The following ADAM10 variants were observed in gnomAD, a reference collection of about 807,000 sequenced individuals.
ADAM10 encodes the protein disintegrin and metalloproteinase domain-containing protein 10.
ADAM10 carries 17 observed loss-of-function variants against 90.1 expected under a neutral mutation model. The ratio of observed to expected loss-of-function variants is 0.19; its 90% CI spans 0.13 to 0.28. The LOEUF is 0.28. ADAM10 is among the 10% of genes least tolerant of loss of function. The probability of loss-of-function intolerance (pLI) is 1.00; values close to 1 mark genes in which losing one functional copy is unlikely to be tolerated. For missense variants in ADAM10, 610 were observed against 914.3 expected (o/e 0.67, Z 4.29); for synonymous variants, 310 against 298.6 (o/e 1.04, Z -0.40).
rs572907891 is a variant in ADAM10, at chr15:58,610,844, A to C, written c.1804+155T>G. The C allele has an allele frequency of 3.1e-5, 21 of 687,004 alleles. No individual in the cohort carries two copies. In the East Asian group the frequency reaches 5.4e-4, roughly 18 times the overall value. 42.6% of individuals were successfully genotyped at this position (687,004 alleles called of 1,614,324 possible). A position where few individuals can be genotyped will look rare whatever the true frequency, so the allele number is the denominator to read the frequency against. ...CATTGTAGAGACCATAATAATAGAG[A>C]CACAATGCTACGTTACATTTATAAT... On this transcript the variant is annotated intron_variant, in intron 13 of 15. Coordinates refer to ENST00000260408, the MANE Select transcript of ADAM10 (RefSeq NM_001110.4).
chr15:58,730,364 T>C (rs967926492), intron 1 of ADAM10, among the ~76,000 whole-genome samples: 3 of 152,260 alleles, frequency 2.0e-5, no homozygotes, highest in Non-Finnish European at 2.9e-5. Flanking sequence ...ACAACACTGC[T>C]ATGCTCATTC....
chr15:58,652,574 C>T (rs1385831472), intron 5 of ADAM10, among the ~76,000 whole-genome samples: 8 of 152,234 alleles, frequency 5.3e-5, no homozygotes, highest in African/African-American at 1.7e-4. Context: ...TCTGAGGTCT[C>T]TATTCTGTTC....
chr15:58,621,868 T>C (rs1383656373), intron 10 of ADAM10, among the ~76,000 whole-genome samples: 4 of 152,214 alleles, frequency 2.6e-5, no homozygotes, highest in African/African-American at 9.6e-5. Flanking sequence ...AGAGGGTCCC[T>C]TCTAGAAGCT....
rs1473454670 is a variant in ADAM10, at chr15:58,593,097, TTA to T, written c.*4448_*4449del. 2.0e-5 allele frequency: 3 copies of T among 148,628 alleles called. No homozygotes were observed. Among genetic ancestry groups the T allele is most frequent in the African/African-American group, 4.9e-5 (2 of 40,614 alleles). 9.2% of individuals were successfully genotyped at this position (148,628 alleles called of 1,614,324 possible). On this transcript the variant is annotated 3_prime_UTR_variant, in exon 16 of 16. Transcript: ENST00000260408. ...AAGGTGGGTTACAAAAGTGTGCATA[TTA>T]TGTTTTTGTCACACACATAGAAAAA... is the stretch of plus-strand genomic sequence containing the variant.
At chr15:58,647,183 T>C (rs977656595) in intron 5 of ADAM10, among the ~76,000 whole-genome samples, 3 of 151,614 alleles carry the variant, frequency 2.0e-5, no homozygotes, top group Admixed American at 1.3e-4. Flanking sequence ...AAATTATCTC[T>C]GTTTGATCCT....
At chr15:58,616,155 A>C (rs1388082653) in intron 11 of ADAM10, among the ~76,000 whole-genome samples, 2 of 152,260 alleles carry the variant, frequency 1.3e-5, no homozygotes, top group Non-Finnish European at 2.9e-5. Flanking sequence ...AGATCTAAAG[A>C]GAGAGATCAA....
At chr15:58,692,445 A>G (rs1252711938) in intron 2 of ADAM10, 2 of 541,110 alleles carry the variant, frequency 3.7e-6, no homozygotes, top group African/African-American at 3.9e-5. Context: ...CCTCATCGGA[A>G]CCCACATCTT....
At position 58,637,370 on chromosome 15, in the gene ADAM10, T is replaced by A. The variant is rs111724754; in HGVS notation, c.1012+3407A>T. ...TCATTCAGTTAACTGATAAGACCTA[T>A]AGGTAGAAACATGAAGACTCAAAAG... On this transcript the variant is annotated intron_variant, in intron 8 of 15. Coordinates refer to ENST00000260408, the MANE Select transcript of ADAM10 (RefSeq NM_001110.4). Among the ~76,000 whole-genome samples the A allele has an allele frequency of 3.4e-3, 524 of 152,160 alleles. 5 individuals are homozygous for A. The highest frequency in any genetic ancestry group is 0.012 in the African/African-American group (503 of 41,522).
chr15:58,629,449 T>A (rs1480695021), intron 9 of ADAM10: 5 of 152,178 alleles, frequency 3.3e-5, no homozygotes. Flanking sequence ...CTATTTGCCA[T>A]CCTCAGATAA....
At chr15:58,676,089 G>C (rs781464451) in intron 4 of ADAM10, 119 of 287,972 alleles carry the variant, frequency 4.1e-4, no homozygotes, top group Non-Finnish European at 7.6e-4. Flanking sequence ...ATTAAGGAGA[G>C]AGTTTGGCTT....
chr15:58,742,484 G>C (rs1458133847), intron 1 of ADAM10, among the ~76,000 whole-genome samples: 2 of 152,158 alleles, frequency 1.3e-5, no homozygotes, highest in African/African-American at 4.8e-5. Flanking sequence ...CTTATGATGA[G>C]TCAAGGAGCA....
At chr15:58,712,156 A>ATGT (rs1282285189) in intron 2 of ADAM10, among the ~76,000 whole-genome samples, 1 of 152,216 alleles carries the variant, frequency 6.6e-6, no homozygotes, top group African/African-American at 2.4e-5. Flanking sequence ...GAGATATTCC[A>ATGT]ACATGTTATA....
At chr15:58,654,464 C>G (rs2140710216) in intron 5 of ADAM10, among the ~76,000 whole-genome samples, 1 of 152,270 alleles carries the variant, frequency 6.6e-6, no homozygotes, top group Non-Finnish European at 1.5e-5. Flanking sequence ...CCACAACCTC[C>G]TCCTCCTGGG....
rs1566996246 is a variant in ADAM10, at chr15:58,689,955, A to ACCCCC, written c.207-7642_207-7641insGGGGG. 3.3e-4 allele frequency among the ~76,000 whole-genome samples: 43 copies of ACCCCC among 130,098 alleles called. No individual in the cohort carries two copies. The South Asian group carries it at 8.5e-3, about 26-fold the overall frequency. 85.3% of individuals were successfully genotyped at this position (130,098 alleles called of 152,430 possible). A position where few individuals can be genotyped will look rare whatever the true frequency, so the allele number is the denominator to read the frequency against. On this transcript the variant is annotated intron_variant, in intron 2 of 15. Coordinates refer to ENST00000260408, the MANE Select transcript of ADAM10 (RefSeq NM_001110.4). The stretch of plus-strand genomic sequence containing the variant: ...AAAACCAAAGACAGACCCCCCCCAA[A>ACCCCC]AAAAAAAAAAAAAGACTGATATTCC...
At chr15:58,690,381 T>C (rs1897745283) in intron 2 of ADAM10, among the ~76,000 whole-genome samples, 8 of 152,232 alleles carry the variant, frequency 5.3e-5, no homozygotes, top group Admixed American at 5.2e-4. Context: ...TTAAGTATGA[T>C]GTTACAGATA....
At chr15:58,717,931 G>T (rs1266689739) in intron 1 of ADAM10, among the ~76,000 whole-genome samples, 1 of 152,074 alleles carries the variant, frequency 6.6e-6, no homozygotes, top group East Asian at 1.9e-4. Flanking sequence ...AAGTTTGGAT[G>T]TTAGCCATAG....
intron 9 of ADAM10, among the ~76,000 whole-genome samples, chr15:58,631,722 G>A (rs1230176219): frequency 6.6e-6 from 1 of 152,154 alleles, no homozygotes; most frequent in African/African-American, 2.4e-5. Context: ...GATGACTTGG[G>A]GAGAAGAGAG....
At chr15:58,720,492 C>G (rs1358140976) in intron 1 of ADAM10, among the ~76,000 whole-genome samples, 2 of 152,114 alleles carry the variant, frequency 1.3e-5, no homozygotes, top group African/African-American at 4.8e-5. Flanking sequence ...GCTCCACTTC[C>G]TGAGTTCACG....
At chr15:58,653,336 T>C (rs569709522) in intron 5 of ADAM10, among the ~76,000 whole-genome samples, 84 of 152,294 alleles carry the variant, frequency 5.5e-4, no homozygotes, top group African/African-American at 1.8e-3. Context: ...CCATTCAGTA[T>C]GATACTAGCT....
Sources: gnomAD v4.1 joint callset for allele counts (sites outside exome capture counted in the v4.1 genomes callset) on GRCh38, gnomAD v4.1.1 for gene constraint, MANE v1.5 for transcripts, NCBI Gene and HGNC (gene_info 2026-07-23, HGNC 2026-07-21) for gene names.